P2RX1: variants seen among roughly 807,000 people sequenced by gnomAD.
P2RX1 encodes the protein P2X purinoceptor 1.
Under a neutral mutation model 50.3 loss-of-function variants are expected in P2RX1, and 42 were observed. The ratio of observed to expected loss-of-function variants is 0.83; its 90% CI spans 0.65 to 1.08. P2RX1 has a LOEUF of 1.08. Among genes scored for constraint, P2RX1 ranks in the 50% least tolerant of loss-of-function variants. The pLI is 0.00. For missense variants in P2RX1, 449 were observed against 529.0 expected (o/e 0.85, Z 1.48); for synonymous variants, 199 against 202.6 (o/e 0.98, Z 0.15).
At chr17:3,901,302 C>CAG (rs2056139651) in intron 7 of P2RX1, among the ~76,000 whole-genome samples, 1 of 152,166 alleles carries the variant, frequency 6.6e-6, no homozygotes, top group Non-Finnish European at 1.5e-5. Context: ...CTCCTGACCT[C>CAG]GTGATCCGCC....
chr17:3,911,526 G>A (rs1190409484), intron 1 of P2RX1, among the ~76,000 whole-genome samples: 1 of 152,064 alleles, frequency 6.6e-6, no homozygotes, highest in Non-Finnish European at 1.5e-5. Context: ...CCTCTGCCTT[G>A]GGTCCCGCCC....
chr17:3,904,541 T>A (rs2056222430), intron 3 of P2RX1, 142 bp from the exon 4 acceptor site: 2 of 735,988 alleles, frequency 2.7e-6, no homozygotes, highest in Non-Finnish European at 4.6e-6. Context: ...CACAGCCTCC[T>A]TCCCCCATTT....
At chr17:3,902,455 G>A (rs532252028) in intron 7 of P2RX1, among the ~76,000 whole-genome samples, 2 of 151,802 alleles carry the variant, frequency 1.3e-5, no homozygotes, top group East Asian at 3.9e-4. Context: ...CACGATGCCT[G>A]CCTAATTTTT....
At chr17:3,909,960 C>T (rs1046350330) in intron 1 of P2RX1, among the ~76,000 whole-genome samples, 1 of 149,992 alleles carries the variant, frequency 6.7e-6, no homozygotes, top group Admixed American at 6.8e-5. Flanking sequence ...TGGTGATGTC[C>T]TGATAAATTC....
chr17:3,912,273 A>G (rs1278176275), intron 1 of P2RX1, among the ~76,000 whole-genome samples: 1 of 152,110 alleles, frequency 6.6e-6, no homozygotes, highest in Non-Finnish European at 1.5e-5. Flanking sequence ...TTTCAGTTAC[A>G]TAAACCACCG....
At chr17:3,902,986 T>A (rs1317411638) in intron 7 of P2RX1, among the ~76,000 whole-genome samples, 3 of 151,198 alleles carry the variant, frequency 2.0e-5, no homozygotes, top group Non-Finnish European at 4.4e-5. Context: ...TCTGCCCACA[T>A]CCGTTCATTC....
Position 3,903,300 on chromosome 17 carries a change from A to C in P2RX1, c.649T>G (p.Cys217Gly), listed in dbSNP as rs748447594. 2 of 1,614,148 alleles carry C rather than the reference A, an allele frequency of 1.2e-6. No individual in the cohort carries two copies. The highest frequency in any genetic ancestry group is 2.2e-5 in the South Asian group (2 of 91,086). ...GGGTGCAGGGTCTTGTGAAAGAGGCAGGTCTTCATGTGGGCAGCATTCACC... is the reference window on the plus strand; with the variant it reads ...GGGTGCAGGGTCTTGTGAAAGAGGCCGGTCTTCATGTGGGCAGCATTCACC... ...EEVNAAHMKT[C>G]LFHKTLHPLC... Residue 217 changes from cysteine to glycine, a missense_variant, in exon 7 of 12, where the codon TGC becomes GGC. Transcript: ENST00000225538. The surrounding 1 kb of genome is among the most constrained non-coding windows in gnomAD (Gnocchi z 4.6).
chr17:3,916,173 G>A lies in P2RX1; in HGVS notation c.53C>T (p.Thr18Ile). Residue 18 changes from threonine to isoleucine, a missense_variant, in exon 1 of 12, where the codon ACC (threonine) becomes ATC (isoleucine). Coordinates refer to ENST00000225538, the MANE Select transcript of P2RX1 (RefSeq NM_002558.4). ...ELAAFLFEYD[T>I]PRMVLVRNKK... ...ATTACGCACCAGCACCATGCGGGGG[G>A]TGTCATACTCGAAGAGGAAGGCGGC... 1 of 1,613,464 alleles carries A rather than the reference G, an allele frequency of 6.2e-7. No homozygotes were observed. The highest frequency in any genetic ancestry group is 8.5e-7 in the Non-Finnish European group (1 of 1,180,002).
At position 3,914,690 on chromosome 17, in the gene P2RX1, C is replaced by A. The variant is rs2056420359; in HGVS notation, c.137+1399G>T. Among the ~76,000 whole-genome samples, 4 of 152,160 alleles carry A rather than the reference C, an allele frequency of 2.6e-5. No homozygotes were observed. Among genetic ancestry groups the A allele is most frequent in the Admixed American group, 2.6e-4 (4 of 15,278 alleles). ...CCATCAGTGCCCAGTAGAAAGGATC[C>A]ACAGCCCCTTGTGATGGTGAGGAAG... On this transcript the variant is annotated intron_variant, in intron 1 of 11. Transcript: ENST00000225538. This position sits in a 1 kb window ranked among gnomAD's most constrained non-coding sequence, Gnocchi z 4.1.
intron 1 of P2RX1, among the ~76,000 whole-genome samples, chr17:3,913,044 G>C (rs1199049740): frequency 6.6e-6 from 1 of 152,080 alleles, no homozygotes; most frequent in African/African-American, 2.4e-5. Flanking sequence ...CCTCCAGGAA[G>C]GCCTCCCTGG....
In P2RX1 at chr17:3,903,950, C is replaced by G. The variant is rs769006904; in HGVS notation, c.502G>C (p.Glu168Gln). 1.9e-6 allele frequency: 3 copies of G among 1,613,864 alleles called. No individual in the cohort carries two copies. The highest frequency in any genetic ancestry group is 1.7e-6 in the Non-Finnish European group (2 of 1,179,860). ...TCEIFGWCPV[E>Q]VDDDIPRPAL... ...TACCGCGGGATGTCGTCATCCACCTCCACGGGGCACCAGCCAAAGATCTCA... is the reference window on the plus strand; with the variant it reads ...TACCGCGGGATGTCGTCATCCACCTGCACGGGGCACCAGCCAAAGATCTCA... The change falls in exon 5 of 12, where the codon GAG becomes CAG. Residue 168 changes from glutamate to glutamine, a missense_variant. Glu to Gln is a conservative substitution (Grantham distance 29, BLOSUM62 2). Coordinates refer to ENST00000225538, the MANE Select transcript of P2RX1 (RefSeq NM_002558.4). The surrounding 1 kb of genome is among the most constrained non-coding windows in gnomAD (Gnocchi z 4.6).
At chr17:3,902,869 A>G (rs1000485310) in intron 7 of P2RX1, among the ~76,000 whole-genome samples, 1 of 151,744 alleles carries the variant, frequency 6.6e-6, no homozygotes, top group African/African-American at 2.4e-5. Context: ...TCTGACTCCC[A>G]AAGTGCTGGG....
intron 1 of P2RX1, among the ~76,000 whole-genome samples, chr17:3,912,858 C>T (rs1431030965): frequency 6.6e-6 from 1 of 152,168 alleles, no homozygotes; most frequent in East Asian, 1.9e-4. Context: ...ACTCTGATCT[C>T]CACTTGGAGA....
chr17:3,914,558 C>G lies in P2RX1; in HGVS notation c.137+1531G>C, dbSNP rs1168801356. ...CAGAGAGAGGACAGCCTTCCCCCAGCCTCTTCCAGCAAGGGTAGGCTGGGC... is the reference window on the plus strand; with the variant it reads ...CAGAGAGAGGACAGCCTTCCCCCAGGCTCTTCCAGCAAGGGTAGGCTGGGC... On this transcript the variant is annotated intron_variant, in intron 1 of 11. Transcript: ENST00000225538. The surrounding 1 kb of genome is among the most constrained non-coding windows in gnomAD (Gnocchi z 4.1). Among the ~76,000 whole-genome samples, 2 of 152,154 alleles carry G rather than the reference C, an allele frequency of 1.3e-5. No individual in the cohort carries two copies. The highest frequency in any genetic ancestry group is 2.9e-5 in the Non-Finnish European group (2 of 68,034).
intron 1 of P2RX1, among the ~76,000 whole-genome samples, chr17:3,909,081 A>G (rs1433439773): frequency 3.3e-5 from 5 of 151,924 alleles, no homozygotes; most frequent in Admixed American, 6.6e-5. Flanking sequence ...CCCAGGCTGG[A>G]GTGCGGTGGC....
At chr17:3,898,207 C>T in intron 10 of P2RX1, 97 bp from the exon 11 acceptor site, 1 of 1,098,658 alleles carries the variant, frequency 9.1e-7, no homozygotes, top group Non-Finnish European at 1.4e-6. Flanking sequence ...GAGGCCCTGG[C>T]TGGATCTGAC....
In P2RX1 at chr17:3,903,371, G is replaced by A. The variant is rs1288351297; in HGVS notation, c.606-28C>T. 8 of 1,613,664 alleles carry A rather than the reference G, an allele frequency of 5.0e-6. No homozygotes were observed. The highest frequency in any genetic ancestry group is 6.8e-6 in the Non-Finnish European group (8 of 1,179,960). On this transcript the variant is annotated intron_variant, in intron 6 of 11. Transcript: ENST00000225538. This position sits in a 1 kb window ranked among gnomAD's most constrained non-coding sequence, Gnocchi z 4.6. The stretch of plus-strand genomic sequence containing the variant: ...GTGGGGGTGGAAGGTGTTGACAGCT[G>A]CTGTGTGTCATCCGGGAGGGTGCCC...
chr17:3,899,072 TG>T (rs1448363364), intron 8 of P2RX1, 48 bp from the exon 9 acceptor site: 3 of 1,362,054 alleles, frequency 2.2e-6, no homozygotes, highest in Non-Finnish European at 3.2e-6. Context: ...GGGACTGTCT[TG>T]GGTCTGGAGT....
At chr17:3,911,153 ATT>A (rs35055902) in intron 1 of P2RX1, among the ~76,000 whole-genome samples, 5,647 of 138,096 alleles carry the variant, frequency 0.041, 340 homozygotes, top group African/African-American at 0.13. Context: ...CACCTGGGTA[ATT>A]TTTTTTTTTT....
Sources: allele counts gnomAD v4.1 joint callset (sites outside exome capture counted in the v4.1 genomes callset), GRCh38; gene constraint gnomAD v4.1.1; non-coding constraint Gnocchi (gnomAD v3.1); transcripts MANE v1.5; gene names NCBI Gene and HGNC (gene_info 2026-07-23, HGNC 2026-07-21).